ATP8A2: variants seen among roughly 807,000 people sequenced by gnomAD.
ATP8A2 encodes ATPase phospholipid transporting 8A2, also known as phospholipid-transporting ATPase IB.
In ATP8A2, 100 loss-of-function variants were observed where a neutral mutation model predicts 165.6. The ratio of observed to expected loss-of-function variants is 0.60; its 90% CI spans 0.51 to 0.71. ATP8A2 has a LOEUF of 0.71. ATP8A2 is among the 30% of genes least tolerant of loss of function. The pLI is 0.00. For synonymous variants in ATP8A2, 543 were observed against 548.8 expected, an observed-to-expected ratio of 0.99 and a Z score of 0.15; for missense variants, 1,227 against 1,479.5, an observed-to-expected ratio of 0.83 and a Z score of 2.80.
At chr13:25,538,338 C>T (rs896469949) in intron 7 of ATP8A2, among the ~76,000 whole-genome samples, 2 of 152,118 alleles carry the variant, frequency 1.3e-5, no homozygotes, top group Non-Finnish European at 2.9e-5. Flanking sequence ...GGCACTGAGT[C>T]AAGAGCAGTG....
At chr13:25,694,323 G>A (rs1357681257) in intron 24 of ATP8A2, among the ~76,000 whole-genome samples, 1 of 152,158 alleles carries the variant, frequency 6.6e-6, no homozygotes, top group Non-Finnish European at 1.5e-5. Flanking sequence ...AGTCCAGTGG[G>A]GAGGCCCATG....
chr13:25,466,991 A>G (rs1487881289), intron 1 of ATP8A2, among the ~76,000 whole-genome samples: 1 of 152,270 alleles, frequency 6.6e-6, no homozygotes, highest in African/African-American at 2.4e-5. Flanking sequence ...TTACATCAGC[A>G]AATGCTCCAA....
intron 25 of ATP8A2, among the ~76,000 whole-genome samples, chr13:25,719,706 G>T (rs1593245227): frequency 6.6e-6 from 1 of 152,286 alleles, no homozygotes; most frequent in African/African-American, 2.4e-5. Context: ...TGGCAGCAAG[G>T]GTTCTGAAAA....
At chr13:25,722,518 T>C (rs1169788370) in intron 25 of ATP8A2, among the ~76,000 whole-genome samples, 1 of 152,232 alleles carries the variant, frequency 6.6e-6, no homozygotes, top group Non-Finnish European at 1.5e-5. Context: ...GTATATGTTT[T>C]GCATCCTGTA....
chr13:25,789,345 C>G (rs1353618134), intron 27 of ATP8A2, among the ~76,000 whole-genome samples: 2 of 151,970 alleles, frequency 1.3e-5, no homozygotes, highest in East Asian at 3.9e-4. Context: ...AGTGTTTAAA[C>G]AAAACAAAAC....
chr13:25,920,109 T>C (rs1333042615), intron 33 of ATP8A2, among the ~76,000 whole-genome samples: 4 of 152,150 alleles, frequency 2.6e-5, no homozygotes, highest in African/African-American at 9.7e-5. Context: ...TGAACTCACT[T>C]CCTTTGGTTC....
At chr13:25,743,849 C>T (rs769565643) in intron 25 of ATP8A2, among the ~76,000 whole-genome samples, 2 of 152,296 alleles carry the variant, frequency 1.3e-5, no homozygotes, top group African/African-American at 2.4e-5. Flanking sequence ...GAGGTGAAGG[C>T]GGTGAGGAAC....
At chr13:25,808,773 G>T (rs137984576) in intron 27 of ATP8A2, among the ~76,000 whole-genome samples, 1 of 151,898 alleles carries the variant, frequency 6.6e-6, no homozygotes, top group Non-Finnish European at 1.5e-5. Flanking sequence ...CCTATTTAAA[G>T]TATATTTCTA....
At chr13:25,924,033 A>G (rs532823316) in intron 33 of ATP8A2, among the ~76,000 whole-genome samples, 68 of 152,316 alleles carry the variant, frequency 4.5e-4, no homozygotes, top group Non-Finnish European at 2.6e-4. Flanking sequence ...AGTACTAGCC[A>G]GGAAGCTACC....
intron 24 of ATP8A2, among the ~76,000 whole-genome samples, chr13:25,618,683 C>CTT (rs60683948): frequency 3.8e-5 from 5 of 131,540 alleles, no homozygotes; most frequent in African/African-American, 1.1e-4. Context: ...GATAGTTAGA[C>CTT]TTTTTTTTTT....
intron 23 of ATP8A2, among the ~76,000 whole-genome samples, chr13:25,588,288 AC>A (rs2039978346): frequency 6.6e-6 from 1 of 152,096 alleles, no homozygotes; most frequent in Admixed American, 6.6e-5. Flanking sequence ...GTTTCCTTCA[AC>A]CCCTTCATTC....
At chr13:25,474,925 G>A (rs1477927094) in intron 2 of ATP8A2, among the ~76,000 whole-genome samples, 1 of 151,880 alleles carries the variant, frequency 6.6e-6, no homozygotes, top group East Asian at 1.9e-4. Flanking sequence ...CTTCCTCCTG[G>A]GTTCGAGCCT....
At chr13:25,984,536 A>G (rs1421640117) in intron 35 of ATP8A2, among the ~76,000 whole-genome samples, 2 of 151,052 alleles carry the variant, frequency 1.3e-5, no homozygotes, top group African/African-American at 4.9e-5. Context: ...CCCGGGAGGT[A>G]GAGGTTGCAG....
chr13:25,829,371 G>T (rs896043513), intron 28 of ATP8A2, among the ~76,000 whole-genome samples: 1 of 151,882 alleles, frequency 6.6e-6, no homozygotes, highest in Non-Finnish European at 1.5e-5. Context: ...TCCCTCCTGT[G>T]CTAAAAAAGC....
At chr13:25,843,291 T>C (rs1013123733) in intron 30 of ATP8A2, among the ~76,000 whole-genome samples, 3 of 152,170 alleles carry the variant, frequency 2.0e-5, no homozygotes, top group Admixed American at 6.5e-5. Context: ...CTCTGAACTC[T>C]GTCAGCCTCT....
At chr13:25,970,545 A>T (rs1262813778) in intron 35 of ATP8A2, among the ~76,000 whole-genome samples, 1 of 152,244 alleles carries the variant, frequency 6.6e-6, no homozygotes, top group African/African-American at 2.4e-5. Context: ...CCTGCGTTTG[A>T]ATTCTGGCTT....
At chr13:25,379,831 G>A (rs2032774791) in intron 1 of ATP8A2, among the ~76,000 whole-genome samples, 3 of 152,136 alleles carry the variant, frequency 2.0e-5, no homozygotes, top group Non-Finnish European at 4.4e-5. Context: ...GAGAATAATA[G>A]AAATAAACAG....
intron 36 of ATP8A2, among the ~76,000 whole-genome samples, chr13:26,014,717 G>T (rs1437778518): frequency 6.6e-6 from 1 of 152,172 alleles, no homozygotes; most frequent in African/African-American, 2.4e-5. Context: ...AGATCATAAA[G>T]ATAAAGTGTC....
chr13:25,821,349 G>A lies in ATP8A2; in HGVS notation c.2680-6769G>A, dbSNP rs571191968. Among the ~76,000 whole-genome samples, 329 of 152,212 alleles carry A rather than the reference G, an allele frequency of 2.2e-3. 2 individuals carry two copies. Among genetic ancestry groups the A allele is most frequent in the Non-Finnish European group, 3.1e-3 (209 of 68,008 alleles). On this transcript the variant is annotated intron_variant, in intron 27 of 36. Coordinates refer to ENST00000381655, the MANE Select transcript of ATP8A2 (RefSeq NM_016529.6). ...GATTTCTTAAGATTTTTACCCCCTC[G>A]TATGTTTTCAACAGCTTGCGTGTCT...
Sources: gnomAD v4.1 joint callset for allele counts (sites outside exome capture counted in the v4.1 genomes callset) on GRCh38, gnomAD v4.1.1 for gene constraint, MANE v1.5 for transcripts, NCBI Gene and HGNC (gene_info 2026-07-23, HGNC 2026-07-21) for gene names.